The following THSD7B variants were observed in gnomAD, a reference collection of about 807,000 sequenced individuals.
THSD7B encodes thrombospondin type-1 domain-containing protein 7B.
In THSD7B, 138 loss-of-function variants were observed where a neutral mutation model predicts 213.6. The ratio of observed to expected loss-of-function variants is 0.65; its 90% CI spans 0.56 to 0.74. The LOEUF (loss-of-function observed/expected upper bound fraction) is 0.74. THSD7B is among the 30% of genes least tolerant of loss of function. The probability of loss-of-function intolerance (pLI) is 0.00; values close to 1 mark genes in which losing one functional copy is unlikely to be tolerated. For synonymous variants in THSD7B, 742 were observed against 687.0 expected, an observed-to-expected ratio of 1.08 and a Z score of -1.25; for missense variants, 1,931 against 1,991.5, an observed-to-expected ratio of 0.97 and a Z score of 0.58.
rs1371217958 is a variant in THSD7B, at chr2:136,912,335, A to AT, written c.139+30018_139+30019insT. On this transcript the variant is annotated intron_variant, in intron 2 of 27. Transcript: ENST00000409968. ...AGACTCCATCTCAAAAAAAAAAAAA[A>AT]AAAAAAAAAAAAAGGAGAGAGGAAC... Among the ~76,000 whole-genome samples the AT allele has an allele frequency of 2.9e-3, 388 of 135,266 alleles. 6 individuals are homozygous for AT. Among genetic ancestry groups the AT allele is most frequent in the South Asian group, 7.0e-3 (30 of 4,302 alleles). 88.7% of individuals were successfully genotyped at this position (135,266 alleles called of 152,430 possible).
At chr2:137,442,203 A>AAT (rs141117175) in intron 14 of THSD7B, among the ~76,000 whole-genome samples, 6 of 151,886 alleles carry the variant, frequency 4.0e-5, no homozygotes, top group East Asian at 1.9e-4. Flanking sequence ...ATTTTCCTGA[A>AAT]ATATATATAT....
At chr2:136,775,268 A>C (rs567975434) in intron 1 of THSD7B, among the ~76,000 whole-genome samples, 27 of 152,276 alleles carry the variant, frequency 1.8e-4, no homozygotes, top group African/African-American at 6.3e-4. Context: ...TGTGAATTAA[A>C]ATATAGCTGT....
intron 1 of THSD7B, among the ~76,000 whole-genome samples, chr2:136,799,954 T>A (rs749629083): frequency 2.0e-5 from 3 of 151,978 alleles, no homozygotes; most frequent in Non-Finnish European, 4.4e-5. Context: ...TATGTCAATA[T>A]CCTGGTACTA....
intron 2 of THSD7B, among the ~76,000 whole-genome samples, chr2:136,975,835 A>G (rs770998567): frequency 6.6e-6 from 1 of 152,042 alleles, no homozygotes; most frequent in African/African-American, 2.4e-5. Flanking sequence ...ATGCTTTTTC[A>G]TTTGTTTGTG....
chr2:137,095,126 T>C lies in THSD7B; in HGVS notation c.1199+5T>C. The C allele has an allele frequency of 6.2e-7, 1 of 1,613,270 alleles. No homozygotes were observed. Among genetic ancestry groups the C allele is most frequent in the Non-Finnish European group, 8.5e-7 (1 of 1,179,388 alleles). On this transcript the variant is annotated splice_donor_5th_base_variant and intron_variant, in intron 4 of 27. Transcript: ENST00000409968. Reference sequence around the variant, plus strand: ...ACTTCTGCAGCAATGTCCCAGGTATTACGCCTTTATGCCTTCTTTAGTGTG... The same window carrying C: ...ACTTCTGCAGCAATGTCCCAGGTATCACGCCTTTATGCCTTCTTTAGTGTG...
intron 2 of THSD7B, among the ~76,000 whole-genome samples, chr2:137,039,399 T>G (rs948536434): frequency 1.3e-5 from 2 of 152,198 alleles, no homozygotes; most frequent in Non-Finnish European, 2.9e-5. Context: ...CTGGAGACAT[T>G]TTTGATTGCC....
intron 1 of THSD7B, among the ~76,000 whole-genome samples, chr2:136,815,518 A>G (rs1045857349): frequency 2.0e-5 from 3 of 152,352 alleles, no homozygotes; most frequent in African/African-American, 7.2e-5. Context: ...GCAGGAGATA[A>G]CTTATTAGAT....
chr2:137,379,889 T>C (rs1283804250), intron 12 of THSD7B, among the ~76,000 whole-genome samples: 1 of 152,210 alleles, frequency 6.6e-6, no homozygotes, highest in Non-Finnish European at 1.5e-5. Flanking sequence ...GCTCTCTACC[T>C]GGTGAGAAGA....
At chr2:137,620,854 G>A (rs1210066806) in intron 20 of THSD7B, 128 bp downstream of exon 20, 2 of 718,540 alleles carry the variant, frequency 2.8e-6, no homozygotes, top group Admixed American at 2.8e-5. Context: ...ACCCACAGGG[G>A]AAGAAAAACA....
chr2:137,403,369 A>C (rs1002179017), intron 12 of THSD7B, among the ~76,000 whole-genome samples: 9 of 152,228 alleles, frequency 5.9e-5, no homozygotes, highest in Admixed American at 5.2e-4. Flanking sequence ...TTCAGAATAT[A>C]AGAAGAATGG....
chr2:137,337,330 G>A (rs1254878203), intron 12 of THSD7B, among the ~76,000 whole-genome samples: 2 of 152,020 alleles, frequency 1.3e-5, no homozygotes, highest in South Asian at 2.1e-4. Flanking sequence ...GACCCTGACA[G>A]TTGTGAAGAT....
At chr2:137,398,531 C>A (rs1432551425) in intron 12 of THSD7B, among the ~76,000 whole-genome samples, 2 of 151,850 alleles carry the variant, frequency 1.3e-5, no homozygotes, top group African/African-American at 4.8e-5. Flanking sequence ...TCTCAGATCT[C>A]CAGCTGCGTG....
intron 11 of THSD7B, among the ~76,000 whole-genome samples, chr2:137,273,836 A>G (rs1682807708): frequency 6.6e-6 from 1 of 152,092 alleles, no homozygotes; most frequent in African/African-American, 2.4e-5. Context: ...TACAATGTCT[A>G]AATATTGAAA....
chr2:137,457,707 C>G (rs1485397056), intron 15 of THSD7B, among the ~76,000 whole-genome samples: 1 of 152,128 alleles, frequency 6.6e-6, no homozygotes, highest in Non-Finnish European at 1.5e-5. Flanking sequence ...GTCATTTAAG[C>G]TTTAAATAAA....
intron 7 of THSD7B, among the ~76,000 whole-genome samples, chr2:137,184,740 GAAGAA>G (rs1680519327): frequency 6.6e-6 from 1 of 152,040 alleles, no homozygotes; most frequent in South Asian, 2.1e-4. Flanking sequence ...TTGGGCAAGA[GAAGAA>G]AAGAAAGCCA....
At chr2:137,081,631 TTGAGGGTATTTACTGCTGTG>T (rs1687749271) in intron 3 of THSD7B, among the ~76,000 whole-genome samples, 1 of 152,182 alleles carries the variant, frequency 6.6e-6, no homozygotes, top group Non-Finnish European at 1.5e-5. Context: ...TTCAAAGATT[TTGAGGGTATTTACTGCTGTG>T]TGATATTTTA....
chr2:136,859,260 T>C (rs1573673424), intron 1 of THSD7B, among the ~76,000 whole-genome samples: 3 of 152,204 alleles, frequency 2.0e-5, no homozygotes, highest in Admixed American at 2.0e-4. Context: ...CATTTTATCA[T>C]TTTAAAAAGG....
chr2:136,888,944 GGTGT>G (rs5834520), intron 2 of THSD7B, among the ~76,000 whole-genome samples: 36 of 72,846 alleles, frequency 4.9e-4, no homozygotes, highest in East Asian at 3.1e-3. Context: ...TGTCTTTTGG[GGTGT>G]GTGTGTGTGT....
At chr2:137,039,206 A>G (rs1573782472) in intron 2 of THSD7B, among the ~76,000 whole-genome samples, 1 of 152,310 alleles carries the variant, frequency 6.6e-6, no homozygotes, top group African/African-American at 2.4e-5. Context: ...AAGCTCTTGG[A>G]TCACTGTCCT....
Sources: allele counts gnomAD v4.1 joint callset (sites outside exome capture counted in the v4.1 genomes callset), GRCh38; gene constraint gnomAD v4.1.1; transcripts MANE v1.5; gene names NCBI Gene and HGNC (gene_info 2026-07-23, HGNC 2026-07-21).